FOXN3: variants seen among roughly 807,000 people sequenced by gnomAD.
FOXN3 encodes forkhead box N3.
FOXN3 carries 7 observed loss-of-function variants against 38.4 expected under a neutral mutation model. The ratio of observed to expected loss-of-function variants is 0.18; its 90% CI spans 0.10 to 0.34. The LOEUF (loss-of-function observed/expected upper bound fraction) is 0.34, where lower values mean the gene tolerates loss of function less well. FOXN3 is among the 10% of genes least tolerant of loss of function. FOXN3 has a pLI of 1.00. For missense variants in FOXN3, 456 were observed against 613.4 expected, an observed-to-expected ratio of 0.74 and a Z score of 2.71; for synonymous variants, 230 against 242.2, an observed-to-expected ratio of 0.95 and a Z score of 0.47.
intron 4 of FOXN3, among the ~76,000 whole-genome samples, chr14:89,192,920 A>T (rs1231915234): frequency 6.6e-6 from 1 of 151,926 alleles, no homozygotes; most frequent in Non-Finnish European, 1.5e-5. Flanking sequence ...GGTCCCCCAC[A>T]GGGCCTGTTG....
At chr14:89,418,794 C>T (rs1054299592), upstream of FOXN3, among the ~76,000 whole-genome samples, 2 of 152,156 alleles carry the variant, frequency 1.3e-5, no homozygotes, top group Non-Finnish European at 2.9e-5. Context: ...AGGTCCTGCC[C>T]CTCCATCAGC....
chr14:89,184,444 A>T (rs1444943605), intron 4 of FOXN3, among the ~76,000 whole-genome samples: 1 of 152,218 alleles, frequency 6.6e-6, no homozygotes, highest in Non-Finnish European at 1.5e-5. Context: ...TACTCAGAAC[A>T]TGTAAGCATC....
intron 4 of FOXN3, among the ~76,000 whole-genome samples, chr14:89,266,466 CA>C (rs1377816051): frequency 6.6e-6 from 1 of 151,978 alleles, no homozygotes; most frequent in East Asian, 1.9e-4. Flanking sequence ...AAGGCTTCAA[CA>C]TATAAATTTT....
chr14:89,552,257 G>C (rs528052433), intron 1 of FOXN3, among the ~76,000 whole-genome samples: 1 of 152,314 alleles, frequency 6.6e-6, no homozygotes, highest in South Asian at 2.1e-4. Context: ...TTTGTTTACT[G>C]AAGTGGGGCC....
intron 3 of FOXN3, chr14:89,291,301 A>C: frequency 1.2e-5 from 6 of 483,554 alleles, no homozygotes; most frequent in South Asian, 9.9e-5. Context: ...TCAGAAATGC[A>C]GCCACGCATT....
chr14:89,334,440 T>C (rs553553213), intron 3 of FOXN3, among the ~76,000 whole-genome samples: 2 of 152,170 alleles, frequency 1.3e-5, no homozygotes, highest in South Asian at 2.1e-4. Flanking sequence ...CAAAACCCTG[T>C]CTCTACTAAA....
intron 4 of FOXN3, among the ~76,000 whole-genome samples, chr14:89,236,800 C>T (rs537115717): frequency 6.6e-6 from 1 of 152,208 alleles, no homozygotes; most frequent in Non-Finnish European, 1.5e-5. Flanking sequence ...CAGTTCCAAG[C>T]CTTTAAGAAG....
intron 3 of FOXN3, among the ~76,000 whole-genome samples, chr14:89,285,281 G>A (rs1291639987): frequency 6.6e-6 from 1 of 152,210 alleles, no homozygotes; most frequent in African/African-American, 2.4e-5. Context: ...AGCACTTTGG[G>A]AGGCCAAGGT....
Position 89,354,195 on chromosome 14 carries a change from C to A in FOXN3, c.544-3387G>T, listed in dbSNP as rs552018722. On this transcript the variant is annotated intron_variant, in intron 2 of 5. Transcript: ENST00000557258. ...AAAATATCTGCATCTCATCTGAAGA[C>A]AAGAATATGGAATGCTTTTTTTGTT... 2.6e-5 allele frequency among the ~76,000 whole-genome samples: 4 copies of A among 151,932 alleles called. No homozygotes were observed. In the South Asian group the frequency reaches 8.3e-4, roughly 32 times the overall value.
At chr14:89,591,736 G>A (rs1048643030) in intron 1 of FOXN3, among the ~76,000 whole-genome samples, 1 of 152,088 alleles carries the variant, frequency 6.6e-6, no homozygotes, top group Non-Finnish European at 1.5e-5. Flanking sequence ...GCCGGCCTGG[G>A]CAACATACGG....
intron 1 of FOXN3, among the ~76,000 whole-genome samples, chr14:89,442,378 CTTAG>C (rs1480858580): frequency 6.6e-6 from 1 of 152,136 alleles, no homozygotes; most frequent in East Asian, 1.9e-4. Context: ...TGTGTCTGAA[CTTAG>C]TTAACAGGTT....
chr14:89,329,454 A>G (rs376406972), intron 3 of FOXN3, among the ~76,000 whole-genome samples: 140 of 152,266 alleles, frequency 9.2e-4, no homozygotes, highest in African/African-American at 3.2e-3. Flanking sequence ...GACGTTTTCC[A>G]TCACCACAAC....
At chr14:89,470,464 A>T (rs1460326149) in intron 1 of FOXN3, among the ~76,000 whole-genome samples, 1 of 152,180 alleles carries the variant, frequency 6.6e-6, no homozygotes, top group Non-Finnish European at 1.5e-5. Context: ...CAGTTTTCTC[A>T]TCTATGAAAG....
chr14:89,323,287 CAA>C (rs60059606), intron 3 of FOXN3, among the ~76,000 whole-genome samples: 12 of 75,936 alleles, frequency 1.6e-4, no homozygotes, highest in Non-Finnish European at 1.7e-4. Context: ...GACTCCATCT[CAA>C]AAAAAAAAAA....
intron 3 of FOXN3, among the ~76,000 whole-genome samples, chr14:89,337,659 C>G (rs1393578959): frequency 6.9e-6 from 1 of 145,320 alleles, no homozygotes; most frequent in Non-Finnish European, 1.5e-5. Context: ...GAGACGGAGT[C>G]TTGCTCTGTC....
chr14:89,378,484 G>C (rs867910750), intron 2 of FOXN3, among the ~76,000 whole-genome samples: 3 of 152,180 alleles, frequency 2.0e-5, no homozygotes, highest in Non-Finnish European at 1.5e-5. Flanking sequence ...TCTGACATTG[G>C]ATTTTTCATC....
chr14:89,372,133 C>T (rs565419150), intron 2 of FOXN3, among the ~76,000 whole-genome samples: 1 of 152,148 alleles, frequency 6.6e-6, no homozygotes, highest in East Asian at 1.9e-4. Flanking sequence ...TTGGAATCTA[C>T]ATGCCACAGT....
chr14:89,417,769 C>T (rs1454766132), upstream of FOXN3: 3 of 455,476 alleles, frequency 6.6e-6, no homozygotes, highest in South Asian at 4.7e-5. Context: ...TCCGAGCCCT[C>T]TCCCAGCGAC....
intron 2 of FOXN3, among the ~76,000 whole-genome samples, chr14:89,384,293 C>A (rs1288475344): frequency 6.6e-6 from 1 of 151,162 alleles, no homozygotes; most frequent in Admixed American, 6.7e-5. Context: ...CGCCCACCAG[C>A]CTGCTTCACT....
Sources: allele counts gnomAD v4.1 joint callset (sites outside exome capture counted in the v4.1 genomes callset), GRCh38; gene constraint gnomAD v4.1.1; transcripts MANE v1.5; gene names NCBI Gene and HGNC (gene_info 2026-07-23, HGNC 2026-07-21).